Variants in SLC35D2 observed in about 807,000 individuals in gnomAD.
SLC35D2 encodes the protein solute carrier family 35 member D2, also known as nucleotide sugar transporter SLC35D2.
In SLC35D2, 43 loss-of-function variants were observed where a neutral mutation model predicts 41.8. The observed-to-expected ratio is 1.03, with a 90% CI of 0.81 to 1.33. The LOEUF is 1.33. Ranked by LOEUF, SLC35D2 falls within the 40% of genes most tolerant of loss-of-function variation. The pLI is 0.00. For synonymous variants in SLC35D2, 150 were observed against 163.9 expected (o/e 0.92, Z 0.65); for missense variants, 380 against 408.4 (o/e 0.93, Z 0.60).
At chr9:96,325,896 C>T (rs1265736114) in intron 9 of SLC35D2, among the ~76,000 whole-genome samples, 1 of 152,146 alleles carries the variant, frequency 6.6e-6, no homozygotes, top group Non-Finnish European at 1.5e-5. Flanking sequence ...ACACGATAAC[C>T]TCTGTTGGCC....
At position 96,343,948 on chromosome 9, in the gene SLC35D2, T is replaced by C. The variant is rs138962325; in HGVS notation, c.640A>G (p.Ile214Val). ...GAGACACTAATAATAAGAGTTGGGA[T>C]AATCATGAAGCAGGCATTGTAGAAA... is the stretch of plus-strand genomic sequence containing the variant. Reference protein sequence around the residue: ...VLFYNACFMIIPTLIISVSTG... With the variant: ...VLFYNACFMIVPTLIISVSTG... The change falls in exon 8 of 12, where the codon ATC (isoleucine) becomes GTC (valine). Residue 214 changes from isoleucine to valine, a missense_variant. Transcript: ENST00000253270. 5.3e-5 allele frequency: 85 copies of C among 1,601,438 alleles called. No individual in the cohort carries two copies. The highest frequency in any genetic ancestry group is 7.1e-5 in the Non-Finnish European group (83 of 1,175,446).
intron 1 of SLC35D2, among the ~76,000 whole-genome samples, chr9:96,371,972 C>T (rs1311992608): frequency 1.3e-5 from 2 of 151,796 alleles, no homozygotes; most frequent in Non-Finnish European, 1.5e-5. Context: ...GTGATCCGCC[C>T]GCCTCGGCCT....
chr9:96,319,486 TA>T (rs1828137302), downstream of SLC35D2, among the ~76,000 whole-genome samples: 1 of 147,084 alleles, frequency 6.8e-6, no homozygotes, highest in African/African-American at 2.6e-5. Context: ...TAAAGTCTGT[TA>T]TGTATTTTAC....
chr9:96,354,301 A>C (rs1308498749), intron 4 of SLC35D2, among the ~76,000 whole-genome samples: 1 of 152,218 alleles, frequency 6.6e-6, no homozygotes, highest in Non-Finnish European at 1.5e-5. Flanking sequence ...CTCATTTGGA[A>C]AGGAAGAACT....
intron 4 of SLC35D2, among the ~76,000 whole-genome samples, chr9:96,356,797 C>A (rs1021621358): frequency 1.3e-5 from 2 of 152,086 alleles, no homozygotes; most frequent in African/African-American, 2.4e-5. Flanking sequence ...ATCGCTTGAG[C>A]CTGGGAGGTC....
chr9:96,353,259 TTAAA>T (rs1400390580), intron 4 of SLC35D2, among the ~76,000 whole-genome samples: 3 of 151,990 alleles, frequency 2.0e-5, no homozygotes, highest in East Asian at 3.9e-4. Flanking sequence ...AAAATGAATA[TTAAA>T]TAAAACAAAT....
chr9:96,351,991 CA>C (rs1829831430), intron 5 of SLC35D2, 46 bp downstream of exon 5: 1 of 1,227,324 alleles, frequency 8.1e-7, no homozygotes. Flanking sequence ...AAAAGAAATG[CA>C]GTGGGTGGGA....
intron 8 of SLC35D2, among the ~76,000 whole-genome samples, chr9:96,337,981 CAAAA>C (rs67714645): frequency 2.9e-5 from 1 of 33,906 alleles, no homozygotes; most frequent in Non-Finnish European, 5.2e-5. Flanking sequence ...AACTCCACCT[CAAAA>C]AAAAAAAAAA....
intron 9 of SLC35D2, among the ~76,000 whole-genome samples, chr9:96,327,999 T>C (rs1828625796): frequency 6.6e-6 from 1 of 152,122 alleles, no homozygotes; most frequent in African/African-American, 2.4e-5. Flanking sequence ...AGCAGTATAT[T>C]ACATTTTTTA....
chr9:96,359,904 C>T (rs1437776922), intron 4 of SLC35D2, among the ~76,000 whole-genome samples: 1 of 152,170 alleles, frequency 6.6e-6, no homozygotes, highest in African/African-American at 2.4e-5. Flanking sequence ...ACCTTCTCTA[C>T]CTTAATGTCT....
intron 11 of SLC35D2, among the ~76,000 whole-genome samples, chr9:96,315,496 C>G (rs559407700): frequency 6.7e-6 from 1 of 149,638 alleles, no homozygotes; most frequent in Non-Finnish European, 1.5e-5. Context: ...TGCAGTGGCG[C>G]GATCTCAGCT....
chr9:96,372,126 C>T (rs1830724466), intron 1 of SLC35D2, among the ~76,000 whole-genome samples: 1 of 152,192 alleles, frequency 6.6e-6, no homozygotes, highest in South Asian at 2.1e-4. Context: ...ACTCCTGATA[C>T]AGTGTAAGAC....
At position 96,380,634 on chromosome 9, in the gene SLC35D2, G is replaced by GTT. The variant is rs577060562; in HGVS notation, c.158+2841_158+2842dup. 4.8e-4 allele frequency among the ~76,000 whole-genome samples: 72 copies of GTT among 150,456 alleles called. 1 individual carries two copies. Among genetic ancestry groups the GTT allele is most frequent in the African/African-American group, 1.5e-3 (62 of 40,896 alleles). ...CACCATGCCCAGCTAGTTTTTTTTT[G>GTT]TTTGTTTTTTTTGTATTTTTAGTAG... On this transcript the variant is annotated intron_variant, in intron 1 of 11. Coordinates refer to ENST00000253270, the MANE Select transcript of SLC35D2 (RefSeq NM_007001.3).
intron 9 of SLC35D2, among the ~76,000 whole-genome samples, chr9:96,331,992 C>T (rs1485469575): frequency 1.3e-5 from 2 of 152,172 alleles, no homozygotes; most frequent in South Asian, 2.1e-4. Flanking sequence ...TCCAAGAAAC[C>T]GGTCCCTGGT....
At chr9:96,341,939 A>G (rs1273453475) in intron 8 of SLC35D2, among the ~76,000 whole-genome samples, 1 of 74,442 alleles carries the variant, frequency 1.3e-5, no homozygotes, top group Admixed American at 1.2e-4. Context: ...ATATTTTTGG[A>G]AAAAAAAAAT....
chr9:96,369,888 C>T (rs576254676), intron 1 of SLC35D2, among the ~76,000 whole-genome samples: 1 of 152,302 alleles, frequency 6.6e-6, no homozygotes, highest in East Asian at 1.9e-4. Flanking sequence ...CTGTCTCAGA[C>T]AGTCTAAGAA....
At chr9:96,356,387 T>C (rs1381518142) in intron 4 of SLC35D2, among the ~76,000 whole-genome samples, 4 of 150,068 alleles carry the variant, frequency 2.7e-5, no homozygotes, top group African/African-American at 9.7e-5. Context: ...TTATTCTTTT[T>C]TTTTTTTTTT....
intron 9 of SLC35D2, among the ~76,000 whole-genome samples, chr9:96,333,692 GC>G (rs1828919934): frequency 6.6e-6 from 1 of 152,058 alleles, no homozygotes; most frequent in Non-Finnish European, 1.5e-5. Context: ...CAGCGAGGCT[GC>G]CCGCCCTCAC....
chr9:96,349,606 A>C (rs1587686432), intron 6 of SLC35D2, among the ~76,000 whole-genome samples: 2 of 150,792 alleles, frequency 1.3e-5, no homozygotes. Context: ...GCTCACTACA[A>C]CCTCCACTTC....
Sources: gnomAD v4.1 joint callset for allele counts (sites outside exome capture counted in the v4.1 genomes callset) on GRCh38, gnomAD v4.1.1 for gene constraint, MANE v1.5 for transcripts, NCBI Gene and HGNC (gene_info 2026-07-23, HGNC 2026-07-21) for gene names.